The following GLRA3 variants were observed in gnomAD, a reference collection of about 807,000 sequenced individuals.
GLRA3 encodes the protein glycine receptor subunit alpha-3.
Under a neutral mutation model 60.4 loss-of-function variants are expected in GLRA3, and 44 were observed. That is an observed-to-expected ratio of 0.73 (90% CI 0.57 to 0.94). GLRA3 has a LOEUF of 0.94. Among genes scored for constraint, GLRA3 ranks in the 40% least tolerant of loss-of-function variants. GLRA3 has a pLI of 0.00. For missense variants in GLRA3, 508 were observed against 564.6 expected, an observed-to-expected ratio of 0.90 and a Z score of 1.02; for synonymous variants, 223 against 192.9, an observed-to-expected ratio of 1.16 and a Z score of -1.29.
chr4:174,721,185 C>T (rs7695595), intron 4 of GLRA3, among the ~76,000 whole-genome samples: 28,828 of 151,870 alleles, frequency 0.19, 3,232 homozygotes, highest in East Asian at 0.47. Context: ...TGCGCCACCA[C>T]GCCTAGCTAA....
chr4:174,787,860 A>G (rs1327244037), intron 2 of GLRA3, among the ~76,000 whole-genome samples: 1 of 152,010 alleles, frequency 6.6e-6, no homozygotes, highest in Non-Finnish European at 1.5e-5. Context: ...CCACTCAGAC[A>G]TTATCAGTGA....
intron 2 of GLRA3, among the ~76,000 whole-genome samples, chr4:174,780,068 G>A (rs1233684797): frequency 1.4e-5 from 2 of 147,818 alleles, no homozygotes; most frequent in Non-Finnish European, 3.0e-5. Flanking sequence ...AGAGAGAAAG[G>A]TCGGGTTACC....
chr4:174,775,343 T>A (rs928131543), intron 2 of GLRA3, among the ~76,000 whole-genome samples: 4 of 152,158 alleles, frequency 2.6e-5, no homozygotes, highest in Admixed American at 2.0e-4. Flanking sequence ...TGGGTACACA[T>A]GCCACCCTTG....
chr4:174,735,498 C>T (rs1029897635), intron 3 of GLRA3, among the ~76,000 whole-genome samples: 1 of 152,138 alleles, frequency 6.6e-6, no homozygotes, highest in Admixed American at 6.6e-5. Context: ...GTTAATTACA[C>T]AATTTACATG....
intron 2 of GLRA3, among the ~76,000 whole-genome samples, chr4:174,783,267 T>G (rs866821553): frequency 6.9e-6 from 1 of 144,854 alleles, no homozygotes; most frequent in Non-Finnish European, 1.5e-5. Flanking sequence ...GCTAGCCATA[T>G]GTAGAAAGCT....
chr4:174,786,082 C>G (rs1739119865), intron 2 of GLRA3, among the ~76,000 whole-genome samples: 1 of 151,508 alleles, frequency 6.6e-6, no homozygotes, highest in Non-Finnish European at 1.5e-5. Context: ...ATTATTTTAG[C>G]TAATTATGCT....
intron 4 of GLRA3, among the ~76,000 whole-genome samples, chr4:174,715,827 C>A (rs1187318700): frequency 6.6e-6 from 1 of 152,010 alleles, no homozygotes; most frequent in East Asian, 1.9e-4. Flanking sequence ...AAAGTGCTGG[C>A]AAAACAGCAA....
At chr4:174,684,527 C>T (rs924047467) in intron 5 of GLRA3, among the ~76,000 whole-genome samples, 10 of 152,186 alleles carry the variant, frequency 6.6e-5, no homozygotes, top group African/African-American at 2.4e-4. Flanking sequence ...TTATCTTCTC[C>T]TTCCCTCTGA....
chr4:174,660,236 TA>T (rs1037411416), intron 7 of GLRA3, among the ~76,000 whole-genome samples: 1 of 152,136 alleles, frequency 6.6e-6, no homozygotes. Flanking sequence ...CTTTTTAATT[TA>T]AAAAACAGAC....
intron 1 of GLRA3, among the ~76,000 whole-genome samples, chr4:174,828,474 G>T (rs1741068560): frequency 6.6e-6 from 1 of 152,110 alleles, no homozygotes; most frequent in Non-Finnish European, 1.5e-5. Flanking sequence ...GAAGGAAAAC[G>T]TAGGCTTTTA....
chr4:174,802,890 G>T (rs1321978929), intron 1 of GLRA3, among the ~76,000 whole-genome samples: 3 of 151,980 alleles, frequency 2.0e-5, no homozygotes, highest in African/African-American at 7.2e-5. Context: ...TTACATTCAG[G>T]ACTTACATAA....
intron 6 of GLRA3, among the ~76,000 whole-genome samples, chr4:174,681,526 C>G (rs1480179178): frequency 6.6e-6 from 1 of 152,106 alleles, no homozygotes; most frequent in African/African-American, 2.4e-5. Context: ...TCCCATGTGA[C>G]TCTGGAGGCA....
Position 174,829,045 on chromosome 4 carries a change from C to G in GLRA3, c.-234G>C, listed in dbSNP as rs1287098621. On this transcript the variant is annotated 5_prime_UTR_variant, in exon 1 of 10. Coordinates refer to ENST00000274093, the MANE Select transcript of GLRA3 (RefSeq NM_006529.4). ...GCAGGTGATTTTTACAGTGAAATTA[C>G]AAAAATGAGTGAGATGAAATGTCTG... 2 of 462,048 alleles carry G rather than the reference C, an allele frequency of 4.3e-6. No individual in the cohort carries two copies. The highest frequency in any genetic ancestry group is 7.8e-6 in the Non-Finnish European group (2 of 256,114). The allele number at this position is 462,048 out of a possible 1,614,324, so 28.6% of individuals were successfully genotyped here.
At chr4:174,647,092 G>A (rs1408418050) in intron 9 of GLRA3, among the ~76,000 whole-genome samples, 1 of 152,222 alleles carries the variant, frequency 6.6e-6, no homozygotes, top group Non-Finnish European at 1.5e-5. Context: ...TCAAGAGACA[G>A]TTAATTCCTT....
chr4:174,692,540 C>T (rs1240438836), intron 5 of GLRA3, among the ~76,000 whole-genome samples: 7 of 149,766 alleles, frequency 4.7e-5, no homozygotes, highest in East Asian at 3.9e-4. Context: ...GGATGGTTGC[C>T]GTGTCTGTGT....
chr4:174,757,563 C>T (rs6815688), intron 3 of GLRA3, among the ~76,000 whole-genome samples: 1 of 151,916 alleles, frequency 6.6e-6, no homozygotes, highest in African/African-American at 2.4e-5. Flanking sequence ...CTCCCAGTGG[C>T]CAAACTGAAC....
intron 4 of GLRA3, among the ~76,000 whole-genome samples, chr4:174,724,668 T>A (rs1372356022): frequency 6.6e-6 from 1 of 152,170 alleles, no homozygotes; most frequent in East Asian, 1.9e-4. Context: ...ATTTTCTTTT[T>A]TTTAGAAAGC....
chr4:174,644,005 T>A lies in GLRA3; in HGVS notation c.1176A>T (p.Leu392=). The part of the protein sequence containing the change: ...SFTAYGMGPC[L]QAKDGMTPKG... Reference sequence around the variant, plus strand: ...TTGGAGTCATGCCATCCTTTGCTTGTAGACATGGTCCCATTCCATAGGCTG... The same window carrying A: ...TTGGAGTCATGCCATCCTTTGCTTGAAGACATGGTCCCATTCCATAGGCTG... The change falls in exon 10 of 10, where the codon CTA becomes CTT. Residue 392 remains leucine (L), a synonymous_variant. Transcript: ENST00000274093. The A allele has an allele frequency of 6.2e-7, 1 of 1,613,938 alleles. No homozygotes were observed. Among genetic ancestry groups the A allele is most frequent in the Non-Finnish European group, 8.5e-7 (1 of 1,179,922 alleles).
At chr4:174,710,028 T>C (rs1352168078) in intron 5 of GLRA3, among the ~76,000 whole-genome samples, 1 of 151,958 alleles carries the variant, frequency 6.6e-6, no homozygotes, top group African/African-American at 2.4e-5. Flanking sequence ...TTAATCATAT[T>C]TTCCAAATAG....
Sources: gnomAD v4.1 joint callset for allele counts (sites outside exome capture counted in the v4.1 genomes callset) on GRCh38, gnomAD v4.1.1 for gene constraint, MANE v1.5 for transcripts, NCBI Gene and HGNC (gene_info 2026-07-23, HGNC 2026-07-21) for gene names.